Variants in USP53 observed in about 807,000 individuals in gnomAD.
USP53 encodes ubiquitin carboxyl-terminal hydrolase 53.
USP53 carries 71 observed loss-of-function variants against 94.9 expected under a neutral mutation model. That is an observed-to-expected ratio of 0.75 (90% CI 0.62 to 0.91). The LOEUF (loss-of-function observed/expected upper bound fraction) is 0.91. Among genes scored for constraint, USP53 ranks in the 40% least tolerant of loss-of-function variants. The pLI, the probability that USP53 is intolerant of heterozygous loss-of-function variation, is 0.00. For synonymous variants in USP53, 375 were observed against 422.7 expected (o/e 0.89, Z 1.39); for missense variants, 1,173 against 1,281.0 (o/e 0.92, Z 1.29).
chr4:119,293,222 G>C lies in USP53; in HGVS notation c.*11G>C. The C allele has an allele frequency of 6.4e-7, 1 of 1,567,782 alleles. No individual in the cohort carries two copies. Among genetic ancestry groups the C allele is most frequent in the Non-Finnish European group, 8.6e-7 (1 of 1,166,468 alleles). The stretch of plus-strand genomic sequence containing the variant: ...AATTCACTATCTTAGAGTGAAAAAG[G>C]ACTAGACCTGTGTTACATAATAATC... On this transcript the variant is annotated 3_prime_UTR_variant, in exon 19 of 19. Transcript: ENST00000692078.
chr4:119,248,749 C>T lies in USP53; in HGVS notation c.239C>T (p.Thr80Met), dbSNP rs201368952. 2.5e-5 allele frequency: 40 copies of T among 1,607,838 alleles called. No homozygotes were observed. Among genetic ancestry groups the T allele is most frequent in the East Asian group, 9.0e-5 (4 of 44,666 alleles). Residue 80 changes from threonine to methionine, a missense_variant and splice_region_variant, in exon 7 of 19, where the codon ACG becomes ATG. Transcript: ENST00000692078. ...GDACIFCALKTIFAQFQHSRE... is the reference protein window; with the variant it reads ...GDACIFCALKMIFAQFQHSRE... ...ACTGATTTTCTTGTCGATTCCCAGA[C>T]GATATTTGCACAGTTCCAACACAGT...
chr4:119,254,295 G>T (rs1302952830), intron 7 of USP53, among the ~76,000 whole-genome samples: 3 of 152,150 alleles, frequency 2.0e-5, no homozygotes, highest in Non-Finnish European at 2.9e-5. Flanking sequence ...AGTTCTCCTG[G>T]ATAATATCCT....
In USP53 at chr4:119,259,868, A is replaced by G; in HGVS notation, c.618A>G (p.Glu206=). ...MLERHERFKP[E]MFAELLQAAN... Reference sequence around the variant, plus strand: ...AAAGGCATGAACGCTTTAAACCTGAAATGTTTGCAGAATTGCTACAAGCAG... The same window carrying G: ...AAAGGCATGAACGCTTTAAACCTGAGATGTTTGCAGAATTGCTACAAGCAG... The change falls in exon 10 of 19, where the codon GAA becomes GAG. Residue 206 remains glutamate, a synonymous_variant. Transcript: ENST00000692078. 1 of 1,612,840 alleles carries G rather than the reference A, an allele frequency of 6.2e-7. No individual in the cohort carries two copies. The highest frequency in any genetic ancestry group is 1.1e-5 in the South Asian group (1 of 90,958).
intron 6 of USP53, 37 bp from the exon 7 acceptor site, chr4:119,248,711 T>C: frequency 6.3e-7 from 1 of 1,591,426 alleles, no homozygotes; most frequent in Non-Finnish European, 8.6e-7. Flanking sequence ...TCGTTAAAGC[T>C]GGCATTAAAC....
chr4:119,245,206 G>C (rs761012381), intron 5 of USP53, 131 bp from the exon 6 acceptor site: 1 of 713,670 alleles, frequency 1.4e-6, no homozygotes, highest in Non-Finnish European at 2.4e-6. Context: ...ATGTGTGTCT[G>C]ATTATGTACA....
rs1300528031 is a variant in USP53, at chr4:119,292,539, T to TG, written c.2553dup (p.Lys852GlufsTer6). The TG allele has an allele frequency of 2.5e-6, 4 of 1,613,948 alleles. No homozygotes were observed. In the African/African-American group the frequency reaches 5.3e-5, roughly 22 times the overall value. On this transcript the variant is annotated frameshift_variant, in exon 19 of 19. Coordinates refer to ENST00000692078, the MANE Select transcript of USP53 (RefSeq NM_001371395.1). LOFTEE classifies it low-confidence loss of function (END_TRUNC). Reference sequence around the variant, plus strand: ...CTTTTCACGTTGATAACTCTGCTTCTGGGAAGAGAGTGAACAGTAATGAAC... The same window carrying TG: ...CTTTTCACGTTGATAACTCTGCTTCTGGGGAAGAGAGTGAACAGTAATGAAC...
chr4:119,259,295 A>AAGG (rs1553969844), intron 9 of USP53, among the ~76,000 whole-genome samples: 1 of 133,554 alleles, frequency 7.5e-6, no homozygotes, highest in African/African-American at 2.8e-5. Flanking sequence ...AAAAAAAAAA[A>AAGG]GGGGGGGGAG....
intron 5 of USP53, among the ~76,000 whole-genome samples, chr4:119,243,596 A>G (rs1440891153): frequency 8.5e-5 from 13 of 152,338 alleles, no homozygotes; most frequent in African/African-American, 3.1e-4. Context: ...CCTTTACAGT[A>G]TTGTGTTAAA....
intron 17 of USP53, among the ~76,000 whole-genome samples, chr4:119,283,157 A>G (rs1753700396): frequency 6.6e-6 from 1 of 151,990 alleles, no homozygotes; most frequent in African/African-American, 2.4e-5. Flanking sequence ...AATTGCCACA[A>G]TGCCATTTGT....
intron 17 of USP53, among the ~76,000 whole-genome samples, chr4:119,290,210 G>GA (rs1046497389): frequency 6.6e-6 from 1 of 152,056 alleles, no homozygotes; most frequent in African/African-American, 2.4e-5. Flanking sequence ...TAGAGAGAGA[G>GA]AAAAAATGAT....
chr4:119,252,766 C>T (rs539812393), intron 7 of USP53, among the ~76,000 whole-genome samples: 16 of 152,170 alleles, frequency 1.1e-4, no homozygotes, highest in African/African-American at 3.9e-4. Flanking sequence ...TATTTCTTGT[C>T]TTCTGCTAGT....
chr4:119,257,402 T>C (rs2149376868), intron 9 of USP53, among the ~76,000 whole-genome samples: 1 of 152,292 alleles, frequency 6.6e-6, no homozygotes, highest in African/African-American at 2.4e-5. Flanking sequence ...ATTGCGCCAC[T>C]GCACTCCAGC....
chr4:119,292,513 C>T lies in USP53; in HGVS notation c.2524C>T (p.Pro842Ser), dbSNP rs1291342960. Residue 842 changes from proline (P) to serine (S), a missense_variant, in exon 19 of 19, where the codon CCT (proline) becomes TCT (serine). Coordinates refer to ENST00000692078, the MANE Select transcript of USP53 (RefSeq NM_001371395.1). Reference protein sequence around the residue: ...NIENSERTGLPFHVDNSASGK... With the variant: ...NIENSERTGLSFHVDNSASGK... The stretch of plus-strand genomic sequence containing the variant: ...AGAAAATTCTGAGAGAACAGGTTTG[C>T]CTTTTCACGTTGATAACTCTGCTTC... 6.2e-7 allele frequency: 1 copy of T among 1,613,834 alleles called. No homozygotes were observed. Among genetic ancestry groups the T allele is most frequent in the Non-Finnish European group, 8.5e-7 (1 of 1,179,930 alleles).
chr4:119,239,537 T>C lies in USP53; in HGVS notation c.-223T>C. The C allele has an allele frequency of 2.1e-6, 1 of 476,168 alleles. No individual in the cohort carries two copies. The highest frequency in any genetic ancestry group is 3.2e-5 in the East Asian group (1 of 31,700). 29.5% of individuals were successfully genotyped at this position (476,168 alleles called of 1,614,324 possible). On this transcript the variant is annotated 5_prime_UTR_variant, in exon 5 of 19. Coordinates refer to ENST00000692078, the MANE Select transcript of USP53 (RefSeq NM_001371395.1). The stretch of plus-strand genomic sequence containing the variant: ...TTTAACGCCTTGTTTAAAATAGCTT[T>C]CTTTTTTAGTGCTTAGAACTTCAAT...
intron 12 of USP53, chr4:119,266,456 C>T (rs11098499): frequency 0.28 from 113,928 of 408,598 alleles, 16,668 homozygotes; most frequent in East Asian, 0.38. Context: ...AGCAGCACTT[C>T]GTGTTGGTAT....
chr4:119,250,394 A>T (rs771181147), intron 7 of USP53, among the ~76,000 whole-genome samples: 6 of 152,224 alleles, frequency 3.9e-5, no homozygotes, highest in Non-Finnish European at 8.8e-5. Context: ...CTTTTTAAAA[A>T]TGAGCATCTT....
At chr4:119,231,775 A>G (rs1474822415) in intron 3 of USP53, among the ~76,000 whole-genome samples, 1 of 152,074 alleles carries the variant, frequency 6.6e-6, no homozygotes, top group Non-Finnish European at 1.5e-5. Flanking sequence ...GGAGTCACAC[A>G]GGGCACACTG....
At chr4:119,290,634 TATC>T (rs1440396495) in intron 17 of USP53, among the ~76,000 whole-genome samples, 1 of 152,226 alleles carries the variant, frequency 6.6e-6, no homozygotes, top group Non-Finnish European at 1.5e-5. Context: ...TTTTATATGC[TATC>T]ATAATAACCT....
At position 119,271,286 on chromosome 4, in the gene USP53, T is replaced by A; in HGVS notation, c.1436-10T>A. 1 of 1,531,998 alleles carries A rather than the reference T, an allele frequency of 6.5e-7. No homozygotes were observed. The highest frequency in any genetic ancestry group is 8.7e-7 in the Non-Finnish European group (1 of 1,145,472). The allele number at this position is 1,531,998 out of a possible 1,614,324, so 94.9% of individuals were successfully genotyped here. ...GTAATTCATGTGTATCTTTAATTTT[T>A]TTTTTTAAGATTTGGTTGATGAAGA... is the stretch of plus-strand genomic sequence containing the variant. On this transcript the variant is annotated splice_polypyrimidine_tract_variant and intron_variant, in intron 15 of 18. Transcript: ENST00000692078.
Sources: allele counts gnomAD v4.1 joint callset (sites outside exome capture counted in the v4.1 genomes callset), GRCh38; gene constraint gnomAD v4.1.1; transcripts MANE v1.5; gene names NCBI Gene and HGNC (gene_info 2026-07-23, HGNC 2026-07-21).